The following ULK4 variants were observed in gnomAD, a reference collection of about 807,000 sequenced individuals.
The protein encoded by ULK4 is unc-51 like kinase 4, also known as inactive serine/threonine-protein kinase ULK4.
ULK4 carries 133 observed loss-of-function variants against 160.6 expected under a neutral mutation model. The ratio of observed to expected loss-of-function variants is 0.83; its 90% CI spans 0.72 to 0.96. The LOEUF is 0.96. ULK4 is among the 40% of genes least tolerant of loss of function. ULK4 has a pLI of 0.00. For synonymous variants in ULK4, 534 were observed against 539.8 expected, an observed-to-expected ratio of 0.99 and a Z score of 0.15; for missense variants, 1,580 against 1,499.5, an observed-to-expected ratio of 1.05 and a Z score of -0.89.
chr3:41,405,445 C>T (rs1475042696), intron 34 of ULK4, among the ~76,000 whole-genome samples: 3 of 152,186 alleles, frequency 2.0e-5, no homozygotes, highest in Non-Finnish European at 4.4e-5. Context: ...CATACAAGTG[C>T]ATGTGTCTTT....
chr3:41,591,848 A>C (rs750486236), intron 31 of ULK4, among the ~76,000 whole-genome samples: 4 of 152,220 alleles, frequency 2.6e-5, no homozygotes, highest in Non-Finnish European at 5.9e-5. Flanking sequence ...ATACCAGCTG[A>C]ACTGTACAAA....
chr3:41,284,349 A>G (rs891447386), intron 35 of ULK4, among the ~76,000 whole-genome samples: 5 of 152,178 alleles, frequency 3.3e-5, no homozygotes, highest in Non-Finnish European at 5.9e-5. Context: ...ACACTTTCCT[A>G]TAAGGCCATA....
chr3:41,539,244 T>G (rs1050139398), intron 32 of ULK4, among the ~76,000 whole-genome samples: 1 of 152,114 alleles, frequency 6.6e-6, no homozygotes, highest in Non-Finnish European at 1.5e-5. Flanking sequence ...TATTTAATAT[T>G]GCCATTATAG....
At chr3:41,914,103 C>T (rs1698889756) in intron 8 of ULK4, among the ~76,000 whole-genome samples, 1 of 152,190 alleles carries the variant, frequency 6.6e-6, no homozygotes, top group Non-Finnish European at 1.5e-5. Context: ...AAAACTCAGG[C>T]TCACTTTCAA....
At chr3:41,616,900 G>T (rs530155092) in intron 30 of ULK4, among the ~76,000 whole-genome samples, 1 of 152,272 alleles carries the variant, frequency 6.6e-6, no homozygotes, top group South Asian at 2.1e-4. Flanking sequence ...AATTCTCACT[G>T]CCAGCACAGC....
intron 34 of ULK4, among the ~76,000 whole-genome samples, chr3:41,448,573 G>T (rs12054014): frequency 0.21 from 31,796 of 152,104 alleles, 3,869 homozygotes; most frequent in East Asian, 0.57. Flanking sequence ...CACTCTGACT[G>T]TACCATGGAG....
At chr3:41,513,195 C>A (rs898880881) in intron 32 of ULK4, among the ~76,000 whole-genome samples, 2 of 152,142 alleles carry the variant, frequency 1.3e-5, no homozygotes, top group African/African-American at 4.8e-5. Flanking sequence ...CATAAAGATT[C>A]TAGAAGATAA....
chr3:41,754,641 A>C (rs2038737297), intron 21 of ULK4, among the ~76,000 whole-genome samples, 153 bp from the exon 22 acceptor site: 1 of 152,296 alleles, frequency 6.6e-6, no homozygotes, highest in Middle Eastern at 3.4e-3. Context: ...CAGATCCCAT[A>C]ACTAAATTTT....
Position 41,715,086 on chromosome 3 carries a change from G to A in ULK4, c.2634+151C>T. On this transcript the variant is annotated intron_variant, in intron 25 of 36. Transcript: ENST00000301831. The stretch of plus-strand genomic sequence containing the variant: ...TCTCCAAATGTCAAATTTTATTACA[G>A]TCAACAGATAAAAATATTAAAAGGT... The A allele has an allele frequency of 4.0e-6, 3 of 756,550 alleles. No homozygotes were observed. The South Asian group carries it at 5.9e-5, about 15-fold the overall frequency. The allele number at this position is 756,550 out of a possible 1,614,324, so 46.9% of individuals were successfully genotyped here.
intron 17 of ULK4, among the ~76,000 whole-genome samples, chr3:41,867,083 G>A (rs1258865175): frequency 6.6e-6 from 1 of 152,056 alleles, no homozygotes; most frequent in African/African-American, 2.4e-5. Flanking sequence ...TTCTACCTCT[G>A]GGAACACAGG....
At position 41,550,200 on chromosome 3, in the gene ULK4, G is replaced by A. The variant is rs6806684; in HGVS notation, c.3226+15825C>T. ...TAAAGCCTAAGTAGTTATTAACTACGGTAAACAATAAAAGAGAAAGAAAGA... is the reference window on the plus strand; with the variant it reads ...TAAAGCCTAAGTAGTTATTAACTACAGTAAACAATAAAAGAGAAAGAAAGA... On this transcript the variant is annotated intron_variant, in intron 32 of 36. Transcript: ENST00000301831. Among the ~76,000 whole-genome samples the A allele has an allele frequency of 5.0e-3, 764 of 151,588 alleles. 4 individuals carry two copies. The highest frequency in any genetic ancestry group is 0.017 in the African/African-American group (704 of 41,252).
chr3:41,293,669 G>C (rs1053956976), intron 35 of ULK4, among the ~76,000 whole-genome samples: 1 of 152,096 alleles, frequency 6.6e-6, no homozygotes, highest in Non-Finnish European at 1.5e-5. Flanking sequence ...AACTATTTTT[G>C]CCTTGTTTCC....
At chr3:41,874,107 G>T (rs1697215386) in intron 17 of ULK4, among the ~76,000 whole-genome samples, 1 of 152,166 alleles carries the variant, frequency 6.6e-6, no homozygotes, top group East Asian at 1.9e-4. Flanking sequence ...TTGAAAAAAG[G>T]TTATAAATTG....
intron 27 of ULK4, among the ~76,000 whole-genome samples, chr3:41,691,853 C>A (rs192035861): frequency 6.6e-6 from 1 of 151,454 alleles, no homozygotes. Flanking sequence ...TAATGACAAC[C>A]CAACACCAAA....
intron 30 of ULK4, among the ~76,000 whole-genome samples, chr3:41,627,617 A>C (rs1053961228): frequency 1.3e-5 from 2 of 152,202 alleles, no homozygotes; most frequent in South Asian, 4.1e-4. Context: ...CTCAGTATTT[A>C]ATTTATGATT....
At chr3:41,890,547 G>A (rs1348979121) in intron 16 of ULK4, among the ~76,000 whole-genome samples, 6 of 151,372 alleles carry the variant, frequency 4.0e-5, no homozygotes, top group Non-Finnish European at 7.4e-5. Flanking sequence ...GGGCATGGTG[G>A]TGCACACCTG....
At chr3:41,905,881 C>T (rs1286530411) in intron 12 of ULK4, among the ~76,000 whole-genome samples, 1 of 151,912 alleles carries the variant, frequency 6.6e-6, no homozygotes. Flanking sequence ...TCCAGACTAG[C>T]CTGGCCAACA....
intron 35 of ULK4, among the ~76,000 whole-genome samples, chr3:41,387,240 C>A (rs555887391): frequency 6.6e-6 from 1 of 152,058 alleles, no homozygotes; most frequent in Non-Finnish European, 1.5e-5. Context: ...TGAAAATGTT[C>A]AATATCTTTC....
chr3:41,699,361 T>C (rs1294526223), intron 27 of ULK4, among the ~76,000 whole-genome samples: 4 of 152,248 alleles, frequency 2.6e-5, no homozygotes, highest in Non-Finnish European at 5.9e-5. Flanking sequence ...TTCGTTAAAA[T>C]GTATTAAGGC....
Sources: allele counts gnomAD v4.1 joint callset (sites outside exome capture counted in the v4.1 genomes callset), GRCh38; gene constraint gnomAD v4.1.1; transcripts MANE v1.5; gene names NCBI Gene and HGNC (gene_info 2026-07-23, HGNC 2026-07-21).